Variants in PALS2 observed in about 807,000 individuals in gnomAD.
The protein encoded by PALS2 is protein PALS2.
PALS2 carries 27 observed loss-of-function variants against 61.6 expected under a neutral mutation model. That is an observed-to-expected ratio of 0.44 (90% CI 0.32 to 0.60). PALS2 has a LOEUF of 0.60. Among genes scored for constraint, PALS2 ranks in the 20% least tolerant of loss-of-function variants. PALS2 has a pLI of 0.05. For missense variants in PALS2, 554 were observed against 639.4 expected (o/e 0.87, Z 1.44); for synonymous variants, 236 against 218.6 (o/e 1.08, Z -0.70).
chr7:24,623,621 T>G (rs1784613855), intron 1 of PALS2, 45 bp from the exon 2 acceptor site: 2 of 1,213,978 alleles, frequency 1.6e-6, no homozygotes, highest in South Asian at 1.5e-5. Context: ...GGGTTTTTGT[T>G]TGTTTGTTTG....
intron 5 of PALS2, among the ~76,000 whole-genome samples, chr7:24,652,750 C>T (rs1400048071): frequency 1.3e-5 from 2 of 152,148 alleles, no homozygotes; most frequent in African/African-American, 4.8e-5. Flanking sequence ...CCATGTAGTG[C>T]TGTGGAGCTA....
At chr7:24,614,378 A>G (rs1388257160) in intron 1 of PALS2, among the ~76,000 whole-genome samples, 1 of 151,892 alleles carries the variant, frequency 6.6e-6, no homozygotes, top group Non-Finnish European at 1.5e-5. Context: ...TAAATTTATC[A>G]GTTCCAAGAG....
At chr7:24,586,576 T>G (rs113635431) in intron 1 of PALS2, among the ~76,000 whole-genome samples, 46 of 152,290 alleles carry the variant, frequency 3.0e-4, no homozygotes, top group African/African-American at 1.1e-3. Context: ...AACAGAGAGT[T>G]TATATTAAGG....
At chr7:24,656,936 T>A (rs1474641195) in intron 5 of PALS2, among the ~76,000 whole-genome samples, 1 of 152,206 alleles carries the variant, frequency 6.6e-6, no homozygotes, top group Admixed American at 6.5e-5. Flanking sequence ...CACTTTAAAT[T>A]ATTTTGCATT....
intron 10 of PALS2, 115 bp from the exon 11 acceptor site, chr7:24,680,277 G>C: frequency 9.7e-7 from 1 of 1,029,338 alleles, no homozygotes; most frequent in Non-Finnish European, 1.4e-6. Context: ...TAAGTATTAA[G>C]TTATGTCCTT....
chr7:24,691,702 G>C lies in PALS2; in HGVS notation c.*4088G>C, dbSNP rs1348139076. 6.6e-6 allele frequency: 1 copy of C among 151,596 alleles called. No homozygotes were observed. The highest frequency in any genetic ancestry group is 1.5e-5 in the Non-Finnish European group (1 of 67,818). The allele number at this position is 151,596 out of a possible 1,614,324, so 9.4% of individuals were successfully genotyped here. The stretch of plus-strand genomic sequence containing the variant: ...TAATTTTCTTAGGGAAAAAGGGCAG[G>C]GTTCTGGATGGAAACCCCTTTGGAA... On this transcript the variant is annotated 3_prime_UTR_variant, in exon 12 of 12. Coordinates refer to ENST00000222644, the MANE Select transcript of PALS2 (RefSeq NM_001303037.2).
rs114401373 is a variant in PALS2, at chr7:24,624,212, A to G, written c.117+428A>G. ...TTTTTGAAATTTTGTTATTTGTTGC[A>G]TAAGCCTGGTATTTTAAGTCTGTTT... On this transcript the variant is annotated intron_variant, in intron 2 of 11. Coordinates refer to ENST00000222644, the MANE Select transcript of PALS2 (RefSeq NM_001303037.2). 2,497 of 1,034,194 alleles carry G rather than the reference A, an allele frequency of 2.4e-3. 47 individuals are homozygous for G. The African/African-American group carries it at 0.035, about 15-fold the overall frequency. The allele number at this position is 1,034,194 out of a possible 1,614,324, so 64.1% of individuals were successfully genotyped here.
intron 2 of PALS2, among the ~76,000 whole-genome samples, chr7:24,624,964 C>T (rs545553164): frequency 7.2e-5 from 11 of 152,054 alleles, no homozygotes; most frequent in Admixed American, 7.2e-4. Flanking sequence ...GTATAAAGGC[C>T]CTTAAGTAGA....
At chr7:24,675,783 G>A (rs1787547070) in intron 9 of PALS2, among the ~76,000 whole-genome samples, 1 of 123,606 alleles carries the variant, frequency 8.1e-6, no homozygotes, top group Non-Finnish European at 1.6e-5. Flanking sequence ...TCTTAATCCA[G>A]TCTATCATTG....
intron 10 of PALS2, among the ~76,000 whole-genome samples, chr7:24,679,737 ACT>A (rs1278634338): frequency 6.9e-6 from 1 of 145,454 alleles, no homozygotes; most frequent in East Asian, 2.1e-4. Context: ...TCATTTTGTC[ACT>A]CTATATTTCT....
intron 3 of PALS2, among the ~76,000 whole-genome samples, chr7:24,646,032 T>G (rs79487414): frequency 6.6e-6 from 1 of 152,096 alleles, no homozygotes; most frequent in Non-Finnish European, 1.5e-5. Flanking sequence ...GCTGAAGTTA[T>G]CAGCTGGAGG....
At chr7:24,649,878 C>A in intron 4 of PALS2, 114 bp downstream of exon 4, 1 of 1,013,130 alleles carries the variant, frequency 9.9e-7, no homozygotes, top group Non-Finnish European at 1.3e-6. Context: ...AAACTGTATT[C>A]TTGTTTGGCC....
intron 1 of PALS2, among the ~76,000 whole-genome samples, chr7:24,595,500 A>AAT (rs1365399961): frequency 8.9e-6 from 1 of 111,914 alleles, no homozygotes; most frequent in Non-Finnish European, 1.7e-5. Context: ...ATATATTTTT[A>AAT]ATATATATAA....
chr7:24,626,983 T>G (rs1240229939), intron 2 of PALS2, among the ~76,000 whole-genome samples: 1 of 152,144 alleles, frequency 6.6e-6, no homozygotes, highest in Non-Finnish European at 1.5e-5. Context: ...TTAACAAGGA[T>G]ATTCAGAATT....
chr7:24,654,572 A>G (rs896730801), intron 5 of PALS2, among the ~76,000 whole-genome samples: 11 of 152,154 alleles, frequency 7.2e-5, no homozygotes, highest in African/African-American at 2.4e-4. Context: ...AAAAAAATTC[A>G]AGACCTCTAC....
At chr7:24,613,531 A>G (rs1278830932) in intron 1 of PALS2, among the ~76,000 whole-genome samples, 2 of 151,838 alleles carry the variant, frequency 1.3e-5, no homozygotes, top group Non-Finnish European at 3.0e-5. Flanking sequence ...TACAATGTTT[A>G]GTGATCAGAT....
intron 1 of PALS2, among the ~76,000 whole-genome samples, chr7:24,584,606 G>T (rs1435185659): frequency 2.6e-5 from 4 of 151,592 alleles, no homozygotes; most frequent in African/African-American, 4.9e-5. Flanking sequence ...CTCCCATTTT[G>T]TAGGTTGCCT....
chr7:24,586,534 C>T (rs1783070978), intron 1 of PALS2, among the ~76,000 whole-genome samples: 1 of 152,026 alleles, frequency 6.6e-6, no homozygotes, highest in Admixed American at 6.5e-5. Flanking sequence ...TGTGGTTGTG[C>T]ATATAGGAAG....
intron 1 of PALS2, among the ~76,000 whole-genome samples, chr7:24,587,936 G>T (rs1016794034): frequency 3.3e-5 from 5 of 152,140 alleles, no homozygotes; most frequent in Non-Finnish European, 7.4e-5. Flanking sequence ...TTGTTATTTA[G>T]AATACACCAG....
Sources: allele counts gnomAD v4.1 joint callset (sites outside exome capture counted in the v4.1 genomes callset), GRCh38; gene constraint gnomAD v4.1.1; transcripts MANE v1.5; gene names NCBI Gene and HGNC (gene_info 2026-07-23, HGNC 2026-07-21).